Variants in RPL6 observed in about 807,000 individuals in gnomAD.
RPL6 encodes the protein ribosomal protein L6, also known as large ribosomal subunit protein eL6.
Under a neutral mutation model 32.1 loss-of-function variants are expected in RPL6, and 1 was observed. That is an observed-to-expected ratio of 0.03 (90% CI 0.01 to 0.15). The LOEUF (loss-of-function observed/expected upper bound fraction) is 0.15, where lower values mean the gene tolerates loss of function less well. Ranked by LOEUF, RPL6 falls within the 10% of genes least tolerant of loss-of-function variation. The pLI, the probability that RPL6 is intolerant of heterozygous loss-of-function variation, is 1.00. For missense variants in RPL6, 275 were observed against 354.6 expected (o/e 0.78, Z 1.80); for synonymous variants, 126 against 131.6 (o/e 0.96, Z 0.29).
intron 1 of RPL6, among the ~76,000 whole-genome samples, chr12:112,418,087 C>T (rs2037444729): frequency 6.6e-6 from 1 of 151,912 alleles, no homozygotes; most frequent in Non-Finnish European, 1.5e-5. Context: ...TCAAGCGATT[C>T]TCCTGCTTCA....
rs1200775626 is a variant in RPL6 at position 112,406,840 on chromosome 12, G to A, written c.387C>T (p.Gly129=). Residue 129 remains glycine (G), a synonymous_variant, in exon 4 of 7, where the codon GGC becomes GGT. Coordinates refer to ENST00000202773, the MANE Select transcript of RPL6 (RefSeq NM_000970.6). ...EDVPRKLLSH[G]KKPFSQHVRK... ...TCACGTGCTGACTGAAGGGTTTTTT[G>A]CCGTGGCTCAACAGCTTTCGAGGCA... 8 of 1,614,210 alleles carry A rather than the reference G, an allele frequency of 5.0e-6. No homozygotes were observed. The highest frequency in any genetic ancestry group is 6.8e-6 in the Non-Finnish European group (8 of 1,180,032).
At chr12:112,406,718 T>G in intron 4 of RPL6, 29 bp downstream of exon 4, 2 of 1,611,876 alleles carry the variant, frequency 1.2e-6, no homozygotes, top group Non-Finnish European at 1.7e-6. Context: ...GCAGCTGCAG[T>G]GAAGCGCCCC....
intron 1 of RPL6, chr12:112,418,691 G>C: frequency 3.1e-6 from 1 of 325,318 alleles, no homozygotes; most frequent in Non-Finnish European, 5.7e-6. Context: ...GGGCCCGGAC[G>C]GGTCGGTGGC....
In RPL6 at chr12:112,416,133, A is replaced by ATT. The variant is rs1168421826; in HGVS notation, c.-229+2593_-229+2594dup. 8.3e-3 allele frequency among the ~76,000 whole-genome samples: 422 copies of ATT among 51,008 alleles called. 1 individual carries two copies. The highest frequency in any genetic ancestry group is 0.02 in the Middle Eastern group (1 of 50). The allele number at this position is 51,008 out of a possible 152,430, so 33.5% of individuals were successfully genotyped here. A position where few individuals can be genotyped will look rare whatever the true frequency, so the allele number is the denominator to read the frequency against. On this transcript the variant is annotated intron_variant, in intron 1 of 5. Transcript: ENST00000551291. Reference sequence around the variant, plus strand: ...GCCACTGCACCCAGCTAAATTTTGTATTTTTTTTTTTTTTTTTTTTTTTTG... The same window carrying ATT: ...GCCACTGCACCCAGCTAAATTTTGTATTTTTTTTTTTTTTTTTTTTTTTTTTG...
intron 1 of RPL6, among the ~76,000 whole-genome samples, chr12:112,416,521 C>A (rs1360999322): frequency 6.6e-6 from 1 of 152,122 alleles, no homozygotes; most frequent in Non-Finnish European, 1.5e-5. Context: ...GGTGATCCAC[C>A]CACCTTGGCC....
chr12:112,418,820 C>G, exon 1 of RPL6: 1 of 476,378 alleles, frequency 2.1e-6, no homozygotes, highest in Non-Finnish European at 3.7e-6. Flanking sequence ...TCCCGGCCGT[C>G]GCTCGGTCCT....
intron 1 of RPL6, among the ~76,000 whole-genome samples, chr12:112,415,711 A>G (rs1425125983): frequency 6.6e-6 from 1 of 151,766 alleles, no homozygotes; most frequent in Non-Finnish European, 1.5e-5. Flanking sequence ...ATGAGACTCC[A>G]ACTCAAACAA....
At chr12:112,413,960 T>A (rs548777088), upstream of RPL6, among the ~76,000 whole-genome samples, 1 of 151,710 alleles carries the variant, frequency 6.6e-6, no homozygotes, top group Non-Finnish European at 1.5e-5. Context: ...CACAATGATG[T>A]TGAAATGTGT....
Position 112,405,353 on chromosome 12 carries a change from G to C in RPL6, c.738C>G (p.Arg246=). 2 of 1,606,014 alleles carry C rather than the reference G, an allele frequency of 1.2e-6. No individual in the cohort carries two copies. Among genetic ancestry groups the C allele is most frequent in the Non-Finnish European group, 8.5e-7 (1 of 1,178,380 alleles). The change falls in exon 7 of 7, where the codon CGC becomes CGG. Residue 246 remains arginine (R), a synonymous_variant. Coordinates refer to ENST00000202773, the MANE Select transcript of RPL6 (RefSeq NM_000970.6). ...EKEKYEITEQ[R]KIDQKAVDSQ... is the part of the protein sequence containing the mutation. ...AGTCCACAGCTTTCTGATCAATCTT[G>C]CGCTGCTCCGTAATCTCATATTTCT... is the stretch of plus-strand genomic sequence containing the variant.
chr12:112,407,625 G>A (rs1392996117), intron 3 of RPL6: 2 of 152,988 alleles, frequency 1.3e-5, no homozygotes, highest in Non-Finnish European at 2.9e-5. Flanking sequence ...GATTACATTG[G>A]GTCTTGTGTG....
chr12:112,406,605 C>A (rs892431351), intron 4 of RPL6, 142 bp downstream of exon 4: 49 of 1,166,618 alleles, frequency 4.2e-5, no homozygotes, highest in Non-Finnish European at 5.6e-5. Flanking sequence ...TTATTTGCAA[C>A]AACTAAGTTG....
At chr12:112,413,581 G>T (rs967384710), upstream of RPL6, among the ~76,000 whole-genome samples, 7 of 151,826 alleles carry the variant, frequency 4.6e-5, no homozygotes, top group East Asian at 1.3e-3. Context: ...TCAGATTGAG[G>T]TTTTTTTGTT....
At chr12:112,408,767 C>T (rs759490932) in intron 1 of RPL6, 111 bp from the exon 2 acceptor site, 86 of 893,676 alleles carry the variant, frequency 9.6e-5, no homozygotes, top group Non-Finnish European at 1.3e-4. Flanking sequence ...TACAATCCCT[C>T]CCCCGGTAAG....
intron 5 of RPL6, 75 bp from the exon 6 acceptor site, chr12:112,406,112 G>GC: frequency 1.5e-6 from 2 of 1,364,604 alleles, no homozygotes; most frequent in Non-Finnish European, 1.0e-6. Context: ...ACCATTACTT[G>GC]TTATGTTGCT....
In RPL6 at chr12:112,408,431, C is replaced by A. The variant is rs1390429793; in HGVS notation, c.226G>T (p.Ala76Ser). 1 of 1,613,962 alleles carries A rather than the reference C, an allele frequency of 6.2e-7. No homozygotes were observed. Among genetic ancestry groups the A allele is most frequent in the Non-Finnish European group, 8.5e-7 (1 of 1,179,982 alleles). The change falls in exon 2 of 7, where the codon GCT (alanine) becomes TCT (serine). Residue 76 changes from alanine (A) to serine (S), a missense_variant. Transcript: ENST00000202773. ...KAMYKRKYSA[A>S]KSKVEKKKKE... ...TCCTCTTCCCTTACCTTGGATTTAGCGGCTGAGTACTTCCTCTTGTACATG... is the reference window on the plus strand; with the variant it reads ...TCCTCTTCCCTTACCTTGGATTTAGAGGCTGAGTACTTCCTCTTGTACATG...
intron 1 of RPL6, 128 bp from the exon 2 acceptor site, chr12:112,408,784 G>A (rs1421147622): frequency 1.0e-5 from 8 of 776,352 alleles, no homozygotes; most frequent in Non-Finnish European, 1.6e-5. Context: ...TAAGATACAG[G>A]CCTTCCTCTC....
chr12:112,412,466 C>T (rs1476070177), upstream of RPL6, among the ~76,000 whole-genome samples: 2 of 151,406 alleles, frequency 1.3e-5, no homozygotes, highest in East Asian at 2.0e-4. Context: ...TGAGCCACCT[C>T]GCCCAGCCTA....
chr12:112,407,593 A>G (rs2037211076), intron 3 of RPL6: 1 of 152,934 alleles, frequency 6.5e-6, no homozygotes, highest in South Asian at 2.1e-4. Context: ...TCCCATAATG[A>G]AAATTACAGA....
chr12:112,413,092 G>A, upstream of RPL6, among the ~76,000 whole-genome samples: 1 of 152,150 alleles, frequency 6.6e-6, no homozygotes, highest in Non-Finnish European at 1.5e-5. Flanking sequence ...GGGATATGGA[G>A]TACGTATGCA....
Sources: gnomAD v4.1 joint callset for allele counts (sites outside exome capture counted in the v4.1 genomes callset) on GRCh38, gnomAD v4.1.1 for gene constraint, MANE v1.5 for transcripts, NCBI Gene and HGNC (gene_info 2026-07-23, HGNC 2026-07-21) for gene names.